Variants in FOXR1 observed in about 807,000 individuals in gnomAD.
FOXR1 encodes forkhead box R1, also known as forkhead box protein R1.
In FOXR1, 25 loss-of-function variants were observed where a neutral mutation model predicts 34.5. The observed-to-expected ratio is 0.72, with a 90% CI of 0.53 to 1.01. FOXR1 has a LOEUF of 1.01. FOXR1 is among the 50% of genes least tolerant of loss of function. FOXR1 has a pLI of 0.00. For synonymous variants in FOXR1, 153 were observed against 141.6 expected (o/e 1.08, Z -0.57); for missense variants, 373 against 376.2 (o/e 0.99, Z 0.07).
chr11:118,974,810 G>A (rs1003707294), intron 1 of FOXR1, among the ~76,000 whole-genome samples: 2 of 152,186 alleles, frequency 1.3e-5, no homozygotes, highest in Admixed American at 6.6e-5. Context: ...TGGATATGGC[G>A]TATAAGACAG....
rs34672422 is a variant in FOXR1, at chr11:118,978,217, GA to G, written c.62-553del. Among the ~76,000 whole-genome samples, 349 of 145,596 alleles carry G rather than the reference GA, an allele frequency of 2.4e-3. 2 individuals carry two copies. The highest frequency in any genetic ancestry group is 7.6e-3 in the African/African-American group (302 of 39,676). On this transcript the variant is annotated intron_variant, in intron 1 of 5. Coordinates refer to ENST00000317011, the MANE Select transcript of FOXR1 (RefSeq NM_181721.3). Reference sequence around the variant, plus strand: ...TGGGCGACAGAGCGAGACTCCATCTGAAAAAAAAAAAATACAAAAATTAGTG... The same window carrying G: ...TGGGCGACAGAGCGAGACTCCATCTGAAAAAAAAAAATACAAAAATTAGTG...
At chr11:118,973,483 T>C (rs530118468) in intron 1 of FOXR1, among the ~76,000 whole-genome samples, 1 of 152,080 alleles carries the variant, frequency 6.6e-6, no homozygotes, top group South Asian at 2.1e-4. Flanking sequence ...TGCGATCTCC[T>C]CTGCCCCCCG....
intron 1 of FOXR1, 147 bp downstream of exon 1, chr11:118,972,139 C>CCCA (rs1555180691): frequency 2.8e-6 from 2 of 705,114 alleles, no homozygotes; most frequent in Admixed American, 3.0e-5. Context: ...GCCCCCCCCC[C>CCCA]CCGACGGCTT....
chr11:118,980,736 G>C lies in FOXR1; in HGVS notation c.850+8G>C. The C allele has an allele frequency of 6.2e-7, 1 of 1,607,124 alleles. No homozygotes were observed. Among genetic ancestry groups the C allele is most frequent in the Non-Finnish European group, 8.5e-7 (1 of 1,177,438 alleles). On this transcript the variant is annotated splice_region_variant and intron_variant, in intron 5 of 5. Transcript: ENST00000317011. Reference sequence around the variant, plus strand: ...AGTGCATGAGCCAGCCAGGTGTGAAGACTTGTTGTGCGTGGGCCCAAGGGG... The same window carrying C: ...AGTGCATGAGCCAGCCAGGTGTGAACACTTGTTGTGCGTGGGCCCAAGGGG...
chr11:118,979,373 C>T, intron 3 of FOXR1, 69 bp from the exon 4 acceptor site: 1 of 1,487,888 alleles, frequency 6.7e-7, no homozygotes, highest in Non-Finnish European at 9.0e-7. Flanking sequence ...ACCACCCCCC[C>T]TTCCTGCCAC....
intron 4 of FOXR1, 68 bp downstream of exon 4, chr11:118,979,736 C>A: frequency 7.2e-7 from 1 of 1,392,098 alleles, no homozygotes; most frequent in Non-Finnish European, 9.7e-7. Flanking sequence ...GCCTTCCAAT[C>A]CATCCCAGGC....
At position 118,971,928 on chromosome 11, in the gene FOXR1, G is replaced by C; in HGVS notation, c.-4G>C. ...GCCAGGTCCCGGGACTGCTGGACTG[G>C]GACATGGGGAACGAGCTCTTTCTGG... On this transcript the variant is annotated 5_prime_UTR_variant, in exon 1 of 6. Transcript: ENST00000317011. 1.7e-5 allele frequency: 27 copies of C among 1,556,252 alleles called. No homozygotes were observed. The highest frequency in any genetic ancestry group is 2.3e-5 in the Non-Finnish European group (27 of 1,149,302).
intron 4 of FOXR1, among the ~76,000 whole-genome samples, chr11:118,979,875 T>C (rs1321472675): frequency 6.6e-6 from 1 of 152,204 alleles, no homozygotes; most frequent in Non-Finnish European, 1.5e-5. Flanking sequence ...TTTTTCTTTT[T>C]AACAAGTTTT....
rs1293548329 is a variant in FOXR1 at position 118,979,793 on chromosome 11, T to C, written c.611+125T>C. ...CCCTATCTGGGTCTGAGAGGACAAG[T>C]ATGTTCCCAGTTCCCTTTTCCCAGG... is the stretch of plus-strand genomic sequence containing the variant. On this transcript the variant is annotated intron_variant, in intron 4 of 5. Coordinates refer to ENST00000317011, the MANE Select transcript of FOXR1 (RefSeq NM_181721.3). 34 of 811,712 alleles carry C rather than the reference T, an allele frequency of 4.2e-5. No individual in the cohort carries two copies. The East Asian group carries it at 9.0e-4, about 21-fold the overall frequency. The allele number at this position is 811,712 out of a possible 1,614,324, so 50.3% of individuals were successfully genotyped here.
Sources: allele counts gnomAD v4.1 joint callset (sites outside exome capture counted in the v4.1 genomes callset), GRCh38; gene constraint gnomAD v4.1.1; transcripts MANE v1.5; gene names NCBI Gene and HGNC (gene_info 2026-07-23, HGNC 2026-07-21).